The following SYNCRIP variants were observed in gnomAD, a reference collection of about 807,000 sequenced individuals.
The protein encoded by SYNCRIP is synaptotagmin binding cytoplasmic RNA interacting protein.
Under a neutral mutation model 68.9 loss-of-function variants are expected in SYNCRIP, and 9 were observed. The observed-to-expected ratio is 0.13, with a 90% CI of 0.08 to 0.23. SYNCRIP has a LOEUF of 0.23. SYNCRIP is among the 10% of genes least tolerant of loss of function. The pLI, the probability that SYNCRIP is intolerant of heterozygous loss-of-function variation, is 1.00. For synonymous variants in SYNCRIP, 258 were observed against 254.0 expected (o/e 1.02, Z -0.15); for missense variants, 414 against 770.6 (o/e 0.54, Z 5.48).
intron 6 of SYNCRIP, among the ~76,000 whole-genome samples, chr6:85,634,576 G>C (rs1414437222): frequency 7.3e-6 from 1 of 136,226 alleles, no homozygotes; most frequent in Non-Finnish European, 1.7e-5. Context: ...ATACACTGGT[G>C]TGTTGTTTTT....
intron 6 of SYNCRIP, among the ~76,000 whole-genome samples, chr6:85,633,061 G>A (rs1562102540): frequency 6.6e-6 from 1 of 150,976 alleles, no homozygotes; most frequent in Non-Finnish European, 1.5e-5. Context: ...GACCATCCTG[G>A]CTAACACGGT....
chr6:85,632,728 G>A (rs1807945146), intron 6 of SYNCRIP, among the ~76,000 whole-genome samples: 1 of 151,470 alleles, frequency 6.6e-6, no homozygotes, highest in Non-Finnish European at 1.5e-5. Context: ...GACTGCTTGA[G>A]GCCAAGAGTT....
At chr6:85,629,516 C>CA (rs781083306) in intron 6 of SYNCRIP, among the ~76,000 whole-genome samples, 11,912 of 64,966 alleles carry the variant, frequency 0.18, 935 homozygotes, top group South Asian at 0.3. Flanking sequence ...ACTAAAAATA[C>CA]AAAAAAAAAA....
intron 6 of SYNCRIP, among the ~76,000 whole-genome samples, chr6:85,627,203 G>C (rs1229759528): frequency 2.6e-5 from 4 of 151,362 alleles, no homozygotes; most frequent in Admixed American, 6.6e-5. Context: ...GGGCGGCAGG[G>C]GTTGCAGTGA....
chr6:85,638,070 G>A (rs925684570), intron 4 of SYNCRIP, among the ~76,000 whole-genome samples: 1 of 151,936 alleles, frequency 6.6e-6, no homozygotes, highest in Non-Finnish European at 1.5e-5. Context: ...CTTATTCTAG[G>A]CAAAGTATAG....
chr6:85,633,021 G>C (rs956876788), intron 6 of SYNCRIP, among the ~76,000 whole-genome samples: 3 of 152,020 alleles, frequency 2.0e-5, no homozygotes, highest in African/African-American at 7.2e-5. Flanking sequence ...GGGAAGCCAA[G>C]GCGGGTGAAT....
At chr6:85,622,187 C>G (rs1457358460) in intron 8 of SYNCRIP, among the ~76,000 whole-genome samples, 1 of 152,014 alleles carries the variant, frequency 6.6e-6, no homozygotes, top group Non-Finnish European at 1.5e-5. Flanking sequence ...GTCTGACCAA[C>G]ATGGTGAAAC....
upstream of SYNCRIP, among the ~76,000 whole-genome samples, chr6:85,643,487 A>C (rs373950359): frequency 9.4e-4 from 142 of 151,482 alleles, 1 homozygote; most frequent in African/African-American, 3.2e-3. Context: ...AGACTGAATG[A>C]AAGGCCCGCC....
chr6:85,624,431 T>C (rs1806802296), intron 6 of SYNCRIP, among the ~76,000 whole-genome samples: 1 of 152,194 alleles, frequency 6.6e-6, no homozygotes, highest in Admixed American at 6.5e-5. Flanking sequence ...GTTATTCTCA[T>C]ACAAGGAAAA....
chr6:85,631,688 T>C (rs1488871870), intron 6 of SYNCRIP, among the ~76,000 whole-genome samples: 1 of 152,194 alleles, frequency 6.6e-6, no homozygotes, highest in Non-Finnish European at 1.5e-5. Context: ...CCTAAACCAC[T>C]ACATAATTTA....
chr6:85,618,526 G>A (rs1806039601), intron 10 of SYNCRIP, among the ~76,000 whole-genome samples: 1 of 152,026 alleles, frequency 6.6e-6, no homozygotes, highest in South Asian at 2.1e-4. Flanking sequence ...GAGTGACAAA[G>A]TGAGACTCTG....
At chr6:85,625,358 T>A (rs12665757) in intron 6 of SYNCRIP, among the ~76,000 whole-genome samples, 2 of 151,722 alleles carry the variant, frequency 1.3e-5, no homozygotes, top group African/African-American at 4.8e-5. Context: ...TACCTTTTTA[T>A]ATCAACTCTT....
chr6:85,624,898 T>C (rs1806863266), intron 6 of SYNCRIP, among the ~76,000 whole-genome samples: 1 of 152,228 alleles, frequency 6.6e-6, no homozygotes, highest in African/African-American at 2.4e-5. Flanking sequence ...TTACTAATAA[T>C]GGCGGCAGCA....
intron 6 of SYNCRIP, among the ~76,000 whole-genome samples, chr6:85,629,754 G>A (rs974319704): frequency 4.6e-5 from 7 of 151,242 alleles, no homozygotes; most frequent in Admixed American, 2.0e-4. Flanking sequence ...CCTGGGAGGC[G>A]GAGGCTGCAG....
At chr6:85,636,207 G>T (rs1808430379) in intron 6 of SYNCRIP, among the ~76,000 whole-genome samples, 1 of 152,156 alleles carries the variant, frequency 6.6e-6, no homozygotes. Flanking sequence ...GACTTTGGGA[G>T]GCCGAAGCGA....
At chr6:85,620,026 C>T (rs1562082099) in intron 8 of SYNCRIP, among the ~76,000 whole-genome samples, 1 of 152,174 alleles carries the variant, frequency 6.6e-6, no homozygotes, top group South Asian at 2.1e-4. Flanking sequence ...GCGGGCAGAT[C>T]ACCTGAGGTC....
intron 6 of SYNCRIP, among the ~76,000 whole-genome samples, chr6:85,626,614 G>C (rs970544940): frequency 6.6e-6 from 1 of 152,102 alleles, no homozygotes; most frequent in South Asian, 2.1e-4. Context: ...ATCCTTATAA[G>C]AAATGTAGGA....
In SYNCRIP at chr6:85,615,228, T is replaced by A. The variant is rs140927729; in HGVS notation, c.1400A>T (p.Tyr467Phe). 1,526 of 1,609,122 alleles carry A rather than the reference T, an allele frequency of 9.5e-4. 2 individuals are homozygous for A. Among genetic ancestry groups the A allele is most frequent in the Non-Finnish European group, 1.1e-3 (1,282 of 1,176,544 alleles). ...ATGGTAATCATAACCATAATAATCATAATAATCTTCATATCCATAATAATC... is the reference window on the plus strand; with the variant it reads ...ATGGTAATCATAACCATAATAATCAAAATAATCTTCATATCCATAATAATC... The part of the protein sequence containing the change: ...PPDYYGYEDY[Y>F]DYYGYDYHNY... Residue 467 changes from tyrosine to phenylalanine, a missense_variant, in exon 11 of 11, where the codon TAT (tyrosine) becomes TTT (phenylalanine). Tyr to Phe is a conservative substitution (Grantham distance 22). Transcript: ENST00000369622.
In SYNCRIP at chr6:85,641,393, T is replaced by A; in HGVS notation, c.47A>T (p.Asp16Val). 1.2e-6 allele frequency: 2 copies of A among 1,613,638 alleles called. No homozygotes were observed. Among genetic ancestry groups the A allele is most frequent in the Non-Finnish European group, 1.7e-6 (2 of 1,179,942 alleles). Residue 16 changes from aspartate to valine, a missense_variant, in exon 2 of 11, where the codon GAT becomes GTT. Asp to Val is a radical substitution (Grantham distance 152). Coordinates refer to ENST00000369622, the MANE Select transcript of SYNCRIP (RefSeq NM_006372.5). Reference sequence around the variant, plus strand: ...TGAATGGATAACTGCAGAAGTAGTATCCATGGGCTCTTCAGTACCATTTCC... The same window carrying A: ...TGAATGGATAACTGCAGAAGTAGTAACCATGGGCTCTTCAGTACCATTTCC... ...VNGNGTEEPM[D>V]TTSAVIHSEN...
Sources: gnomAD v4.1 joint callset for allele counts (sites outside exome capture counted in the v4.1 genomes callset) on GRCh38, gnomAD v4.1.1 for gene constraint, MANE v1.5 for transcripts, NCBI Gene and HGNC (gene_info 2026-07-23, HGNC 2026-07-21) for gene names.